The following SLC4A10 variants were observed in gnomAD, a reference collection of about 807,000 sequenced individuals.
SLC4A10 encodes solute carrier family 4 member 10.
A neutral mutation model predicts 137.7 loss-of-function variants in SLC4A10; 42 were observed. That is an observed-to-expected ratio of 0.30 (90% CI 0.24 to 0.39). The LOEUF (loss-of-function observed/expected upper bound fraction) is 0.39. Ranked by LOEUF, SLC4A10 falls within the 10% of genes least tolerant of loss-of-function variation. SLC4A10 has a pLI of 1.00. For synonymous variants in SLC4A10, 474 were observed against 464.1 expected (o/e 1.02, Z -0.27); for missense variants, 925 against 1,355.0 (o/e 0.68, Z 4.98).
intron 1 of SLC4A10, among the ~76,000 whole-genome samples, chr2:161,767,055 C>T (rs1227451171): frequency 8.3e-6 from 1 of 119,942 alleles, no homozygotes; most frequent in Non-Finnish European, 1.7e-5. Flanking sequence ...AACATGGAGG[C>T]AAAAATCTTT....
chr2:161,724,208 T>C (rs1353669193), intron 1 of SLC4A10, among the ~76,000 whole-genome samples: 1 of 152,208 alleles, frequency 6.6e-6, no homozygotes, highest in Non-Finnish European at 1.5e-5. Context: ...AAAAACCAAT[T>C]CACTCACTTC....
intron 3 of SLC4A10, among the ~76,000 whole-genome samples, chr2:161,832,822 G>A (rs1308346442): frequency 6.6e-6 from 1 of 152,108 alleles, no homozygotes; most frequent in Non-Finnish European, 1.5e-5. Context: ...CTTACTGCAA[G>A]CTCCGCCTCC....
intron 1 of SLC4A10, among the ~76,000 whole-genome samples, chr2:161,767,380 T>C (rs1363524516): frequency 2.6e-5 from 4 of 151,214 alleles, no homozygotes; most frequent in Non-Finnish European, 5.9e-5. Flanking sequence ...ACACTGCTAT[T>C]TATGCCATCC....
intron 1 of SLC4A10, among the ~76,000 whole-genome samples, chr2:161,725,635 A>G (rs374981983): frequency 2.0e-5 from 3 of 152,172 alleles, no homozygotes; most frequent in African/African-American, 7.2e-5. Context: ...AAAATACTAG[A>G]TTTATGCTCT....
intron 1 of SLC4A10, among the ~76,000 whole-genome samples, chr2:161,629,522 A>G (rs1290688407): frequency 6.6e-6 from 1 of 151,900 alleles, no homozygotes; most frequent in Non-Finnish European, 1.5e-5. Context: ...AAGATCTCTC[A>G]CCAGAGTGGT....
intron 21 of SLC4A10, 61 bp from the exon 22 acceptor site, chr2:161,964,074 C>G: frequency 7.0e-7 from 1 of 1,436,006 alleles, no homozygotes; most frequent in Non-Finnish European, 9.3e-7. Context: ...TAAACATCAA[C>G]TTGTCCTACT....
At chr2:161,652,171 T>C (rs917634745) in intron 1 of SLC4A10, among the ~76,000 whole-genome samples, 9 of 152,160 alleles carry the variant, frequency 5.9e-5, no homozygotes, top group Admixed American at 4.6e-4. Context: ...AGAGAGGAGG[T>C]ACCTATGTAC....
intron 1 of SLC4A10, among the ~76,000 whole-genome samples, chr2:161,647,874 T>G (rs1364208290): frequency 1.3e-5 from 2 of 152,222 alleles, no homozygotes; most frequent in Non-Finnish European, 2.9e-5. Flanking sequence ...CCAGTCTCAA[T>G]GACCACTTTT....
At chr2:161,911,548 A>C (rs1367422543) in intron 15 of SLC4A10, among the ~76,000 whole-genome samples, 1 of 152,090 alleles carries the variant, frequency 6.6e-6, no homozygotes, top group Non-Finnish European at 1.5e-5. Flanking sequence ...CAACCTTTTT[A>C]AATCACATTT....
chr2:161,870,315 A>G (rs1414705690), intron 6 of SLC4A10, among the ~76,000 whole-genome samples: 1 of 151,650 alleles, frequency 6.6e-6, no homozygotes, highest in African/African-American at 2.4e-5. Flanking sequence ...AGTTCCGCAT[A>G]TTTTCTATCC....
intron 11 of SLC4A10, among the ~76,000 whole-genome samples, chr2:161,897,018 A>G (rs2063576902): frequency 6.6e-6 from 1 of 152,116 alleles, no homozygotes; most frequent in South Asian, 2.1e-4. Context: ...ACTTAATCAT[A>G]TTATATAGAA....
At chr2:161,749,171 T>A (rs2048693159) in intron 1 of SLC4A10, among the ~76,000 whole-genome samples, 1 of 152,080 alleles carries the variant, frequency 6.6e-6, no homozygotes, top group Admixed American at 6.6e-5. Flanking sequence ...TCTAATAGTT[T>A]CATGCTGTGG....
At chr2:161,960,736 A>G (rs1696546566) in intron 21 of SLC4A10, among the ~76,000 whole-genome samples, 1 of 151,960 alleles carries the variant, frequency 6.6e-6, no homozygotes, top group South Asian at 2.1e-4. Flanking sequence ...AAAGAAAAAA[A>G]AAAAAGGGAG....
intron 1 of SLC4A10, among the ~76,000 whole-genome samples, chr2:161,681,470 A>G (rs936877115): frequency 6.6e-6 from 1 of 152,136 alleles, no homozygotes. Flanking sequence ...AATTCAGTAT[A>G]CTTTTCATTA....
intron 1 of SLC4A10, among the ~76,000 whole-genome samples, chr2:161,726,206 C>T (rs1395481413): frequency 1.3e-5 from 2 of 152,020 alleles, no homozygotes; most frequent in South Asian, 2.1e-4. Flanking sequence ...ATAACAATTA[C>T]AATGAATAAT....
At chr2:161,901,899 T>G (rs1683192932) in intron 12 of SLC4A10, 2 of 384,530 alleles carry the variant, frequency 5.2e-6, no homozygotes, top group Admixed American at 6.9e-5. Context: ...TCTGTTTGCT[T>G]TCATACTTTC....
intron 12 of SLC4A10, chr2:161,901,937 A>ATT: frequency 4.9e-6 from 2 of 409,974 alleles, no homozygotes; most frequent in Non-Finnish European, 9.6e-6. Flanking sequence ...TTTTGGTGGT[A>ATT]TTTTTTTTCT....
At chr2:161,881,606 C>T (rs2061786462) in intron 9 of SLC4A10, among the ~76,000 whole-genome samples, 1 of 151,994 alleles carries the variant, frequency 6.6e-6, no homozygotes, top group South Asian at 2.1e-4. Context: ...AATGATATGG[C>T]AGAATATAGG....
chr2:161,783,559 CT>C (rs2053286373), intron 2 of SLC4A10, among the ~76,000 whole-genome samples: 1 of 151,732 alleles, frequency 6.6e-6, no homozygotes, highest in Non-Finnish European at 1.5e-5. Flanking sequence ...AACTAAAATA[CT>C]TTTAATAAGT....
Sources: allele counts gnomAD v4.1 joint callset (sites outside exome capture counted in the v4.1 genomes callset), GRCh38; gene constraint gnomAD v4.1.1; transcripts MANE v1.5; gene names NCBI Gene and HGNC (gene_info 2026-07-23, HGNC 2026-07-21).